Variants in PHACTR1 observed in about 807,000 individuals in gnomAD.
The protein encoded by PHACTR1 is RPEL repeat containing 1.
Under a neutral mutation model 69.2 loss-of-function variants are expected in PHACTR1, and 16 were observed. The observed-to-expected ratio is 0.23, with a 90% CI of 0.16 to 0.35. PHACTR1 has a LOEUF of 0.35. PHACTR1 is among the 10% of genes least tolerant of loss of function. The pLI is 1.00. For synonymous variants in PHACTR1, 312 were observed against 284.5 expected, an observed-to-expected ratio of 1.10 and a Z score of -0.97; for missense variants, 510 against 734.7, an observed-to-expected ratio of 0.69 and a Z score of 3.54.
chr6:13,018,118 T>C (rs1433245801), intron 4 of PHACTR1, among the ~76,000 whole-genome samples: 1 of 152,276 alleles, frequency 6.6e-6, no homozygotes, highest in Non-Finnish European at 1.5e-5. Flanking sequence ...GTCATACTAA[T>C]TCTCTGCTGT....
chr6:13,176,450 C>T (rs1761333735), intron 6 of PHACTR1, among the ~76,000 whole-genome samples: 1 of 152,112 alleles, frequency 6.6e-6, no homozygotes, highest in African/African-American at 2.4e-5. Context: ...CAAGTGGCAC[C>T]TGGGACTTGA....
chr6:12,724,469 G>A (rs1762532024), intron 3 of PHACTR1, among the ~76,000 whole-genome samples: 1 of 152,184 alleles, frequency 6.6e-6, no homozygotes, highest in Non-Finnish European at 1.5e-5. Context: ...CTAGAAAACC[G>A]AAGACTGATG....
At chr6:12,738,425 C>T (rs184798680) in intron 3 of PHACTR1, among the ~76,000 whole-genome samples, 1 of 152,260 alleles carries the variant, frequency 6.6e-6, no homozygotes, top group Admixed American at 6.5e-5. Context: ...GAAAATATCC[C>T]ACCCATCATT....
At chr6:13,249,498 C>G (rs574101387) in intron 10 of PHACTR1, among the ~76,000 whole-genome samples, 1 of 152,236 alleles carries the variant, frequency 6.6e-6, no homozygotes, top group East Asian at 1.9e-4. Flanking sequence ...ATGAACTACA[C>G]TAAAATGTGT....
intron 4 of PHACTR1, among the ~76,000 whole-genome samples, chr6:12,843,046 T>C (rs959619095): frequency 2.0e-5 from 3 of 152,192 alleles, no homozygotes; most frequent in African/African-American, 7.2e-5. Flanking sequence ...GTCATTGGAA[T>C]GTAGGAAGAC....
chr6:12,821,462 CAAAAAA>C (rs71552718), intron 4 of PHACTR1, among the ~76,000 whole-genome samples: 1 of 80,942 alleles, frequency 1.2e-5, no homozygotes, highest in Admixed American at 1.5e-4. Context: ...GATTTCACAT[CAAAAAA>C]AAAAAAAAAA....
chr6:13,261,368 C>T (rs756048277), intron 10 of PHACTR1, among the ~76,000 whole-genome samples: 123 of 152,144 alleles, frequency 8.1e-4, no homozygotes, highest in Non-Finnish European at 1.5e-3. Context: ...GAAAAGTCAC[C>T]AAGTAGCATC....
At chr6:13,064,270 G>A (rs1008886147) in intron 5 of PHACTR1, among the ~76,000 whole-genome samples, 2 of 151,692 alleles carry the variant, frequency 1.3e-5, no homozygotes, top group African/African-American at 2.4e-5. Flanking sequence ...GAGACAGAAC[G>A]AGCAAGACTT....
At position 13,205,963 on chromosome 6, in the gene PHACTR1, G is replaced by A; in HGVS notation, c.813G>A (p.Val271=). The A allele has an allele frequency of 6.2e-7, 1 of 1,614,040 alleles. No homozygotes were observed. ...CCCAGAAGAGTGGCCAGCAGGGTGT[G>A]GCCCAGCACCACCACACTGTCCTGC... ...YTAQKSGQQG[V]AQHHHTVLPS... is the part of the protein sequence containing the mutation. The change falls in exon 8 of 15, where the codon GTG becomes GTA. Residue 271 remains valine (V), a synonymous_variant. Transcript: ENST00000332995.
At chr6:13,270,432 A>C (rs946515205) in intron 10 of PHACTR1, among the ~76,000 whole-genome samples, 1 of 152,034 alleles carries the variant, frequency 6.6e-6, no homozygotes, top group African/African-American at 2.4e-5. Flanking sequence ...CAGGCCTCTA[A>C]CTATGTGTTC....
intron 5 of PHACTR1, among the ~76,000 whole-genome samples, chr6:13,156,584 T>C (rs552760407): frequency 6.6e-6 from 1 of 152,350 alleles, no homozygotes; most frequent in East Asian, 1.9e-4. Context: ...TCTGGCATAG[T>C]CTGTGCCACG....
intron 4 of PHACTR1, among the ~76,000 whole-genome samples, chr6:13,033,483 T>C (rs1802779737): frequency 6.6e-6 from 1 of 152,224 alleles, no homozygotes; most frequent in Admixed American, 6.5e-5. Context: ...TCTGTTAAAA[T>C]GCACCATTAT....
At chr6:12,989,879 T>C (rs7743219) in intron 4 of PHACTR1, among the ~76,000 whole-genome samples, 79,068 of 152,030 alleles carry the variant, frequency 0.52, 23,137 homozygotes, top group African/African-American at 0.8. Context: ...TTTAACTTAT[T>C]GGAGAGTAGC....
Position 13,196,857 on chromosome 6 carries a change from C to T in PHACTR1, c.665-8958C>T, listed in dbSNP as rs115454420. Among the ~76,000 whole-genome samples the T allele has an allele frequency of 4.0e-3, 603 of 152,306 alleles. 1 individual carries two copies. Among genetic ancestry groups the T allele is most frequent in the African/African-American group, 0.013 (559 of 41,582 alleles). ...AACCGCCATGGAAGTCTTTCGCAAG[C>T]CTCTCTGCTCTATTACTTGATTCAC... is the stretch of plus-strand genomic sequence containing the variant. On this transcript the variant is annotated intron_variant, in intron 7 of 14. Coordinates refer to ENST00000332995, the MANE Select transcript of PHACTR1 (RefSeq NM_030948.6).
chr6:13,016,943 T>C (rs1800262334), intron 4 of PHACTR1, among the ~76,000 whole-genome samples: 1 of 152,104 alleles, frequency 6.6e-6, no homozygotes, highest in Admixed American at 6.5e-5. Flanking sequence ...TCCCAGCACT[T>C]TGGGAGGCCA....
intron 5 of PHACTR1, among the ~76,000 whole-genome samples, chr6:13,071,696 C>A (rs1809554359): frequency 6.6e-6 from 1 of 152,186 alleles, no homozygotes; most frequent in Non-Finnish European, 1.5e-5. Flanking sequence ...AATAAAAAAT[C>A]TCTTCTATGG....
intron 5 of PHACTR1, among the ~76,000 whole-genome samples, chr6:13,115,132 AGAAC>A (rs1817619420): frequency 6.6e-6 from 1 of 152,238 alleles, no homozygotes; most frequent in Non-Finnish European, 1.5e-5. Context: ...TATAGATAAG[AGAAC>A]TGTATGAGAT....
At chr6:13,247,621 C>T (rs2127388844) in intron 10 of PHACTR1, among the ~76,000 whole-genome samples, 1 of 152,236 alleles carries the variant, frequency 6.6e-6, no homozygotes, top group Middle Eastern at 3.4e-3. Flanking sequence ...GCTGGGATTA[C>T]AGGTGTGAGC....
intron 5 of PHACTR1, among the ~76,000 whole-genome samples, chr6:13,070,990 T>A (rs967594551): frequency 5.3e-4 from 27 of 51,170 alleles, no homozygotes; most frequent in Admixed American, 7.3e-4. Flanking sequence ...GCCTTAATAA[T>A]TAAAAAAAAA....
Sources: gnomAD v4.1 joint callset for allele counts (sites outside exome capture counted in the v4.1 genomes callset) on GRCh38, gnomAD v4.1.1 for gene constraint, MANE v1.5 for transcripts, NCBI Gene and HGNC (gene_info 2026-07-23, HGNC 2026-07-21) for gene names.